Variants in XKR9 observed in about 807,000 individuals in gnomAD.
XKR9 encodes the protein XK-related protein 9.
XKR9 carries 32 observed loss-of-function variants against 32.0 expected under a neutral mutation model. The ratio of observed to expected loss-of-function variants is 1.00; its 90% confidence interval spans 0.76 to 1.34. XKR9 has a LOEUF of 1.34. XKR9 is among the 40% of genes most tolerant of loss of function. The probability of loss-of-function intolerance (pLI) is 0.00; values close to 1 mark genes in which losing one functional copy is unlikely to be tolerated. For missense variants in XKR9, 546 were observed against 429.7 expected (o/e 1.27, Z -2.39); for synonymous variants, 168 against 143.4 (o/e 1.17, Z -1.22).
At chr8:70,868,980 C>G in the XKR9 span, among the ~76,000 whole-genome samples, 3 of 152,212 alleles carry the variant, frequency 2.0e-5, no homozygotes, top group African/African-American at 7.2e-5. Flanking sequence ...TGCCACCAGT[C>G]TCTTTGCTAA....
the XKR9 span, among the ~76,000 whole-genome samples, chr8:71,014,636 CT>C: frequency 6.6e-6 from 1 of 152,110 alleles, no homozygotes; most frequent in Admixed American, 6.6e-5. Context: ...TGCAAAGAAC[CT>C]TTTTCCAAAT....
chr8:70,874,519 A>G, the XKR9 span, among the ~76,000 whole-genome samples: 1 of 152,224 alleles, frequency 6.6e-6, no homozygotes, highest in Non-Finnish European at 1.5e-5. Flanking sequence ...ATATTTTAAG[A>G]TGAAAACAAA....
the XKR9 span, among the ~76,000 whole-genome samples, chr8:71,054,535 T>C: frequency 6.6e-6 from 1 of 152,162 alleles, no homozygotes; most frequent in Admixed American, 6.5e-5. Context: ...CTTCTGTAAA[T>C]GGCCTCAATG....
the XKR9 span, among the ~76,000 whole-genome samples, chr8:70,956,268 G>T: frequency 6.6e-6 from 1 of 152,176 alleles, no homozygotes; most frequent in Non-Finnish European, 1.5e-5. Flanking sequence ...CGTCTTAGGA[G>T]ACCCAAAGTG....
At chr8:70,824,469 A>G in the XKR9 span, among the ~76,000 whole-genome samples, 3 of 152,110 alleles carry the variant, frequency 2.0e-5, no homozygotes, top group South Asian at 2.1e-4. Flanking sequence ...AAATTTTCTC[A>G]TACCACCTTG....
intron 4 of XKR9, among the ~76,000 whole-genome samples, chr8:70,707,915 A>G (rs1310170445): frequency 3.9e-5 from 6 of 152,084 alleles, no homozygotes; most frequent in Admixed American, 1.3e-4. Flanking sequence ...TATTTGCTAA[A>G]TAATAATCAC....
At chr8:70,899,968 A>G in the XKR9 span, among the ~76,000 whole-genome samples, 1 of 152,206 alleles carries the variant, frequency 6.6e-6, no homozygotes, top group Non-Finnish European at 1.5e-5. Context: ...AAAGATGTGC[A>G]TACACAATTA....
chr8:70,808,455 C>G, the XKR9 span, among the ~76,000 whole-genome samples: 1 of 152,242 alleles, frequency 6.6e-6, no homozygotes, highest in African/African-American at 2.4e-5. Context: ...GGGTGCAGGA[C>G]AGTGGGTGCA....
At chr8:71,002,924 T>A in the XKR9 span, among the ~76,000 whole-genome samples, 1 of 152,134 alleles carries the variant, frequency 6.6e-6, no homozygotes, top group Non-Finnish European at 1.5e-5. Context: ...AAGTGGAGAG[T>A]CTAGCTGAGG....
At chr8:70,688,064 A>T (rs2132126653) in intron 3 of XKR9, among the ~76,000 whole-genome samples, 1 of 152,346 alleles carries the variant, frequency 6.6e-6, no homozygotes, top group Admixed American at 6.5e-5. Flanking sequence ...AAATATATAA[A>T]TTTTAATTGG....
the XKR9 span, among the ~76,000 whole-genome samples, chr8:71,010,849 T>G: frequency 6.6e-6 from 1 of 152,198 alleles, no homozygotes; most frequent in Non-Finnish European, 1.5e-5. Context: ...CAGCAACAGA[T>G]GTCCTCATGA....
the XKR9 span, among the ~76,000 whole-genome samples, chr8:71,059,452 A>G: frequency 6.6e-6 from 1 of 152,138 alleles, no homozygotes; most frequent in Non-Finnish European, 1.5e-5. Context: ...TTCTTTTTGA[A>G]CCCTGGGAAA....
At chr8:70,795,053 A>T (rs901858000), downstream of XKR9, among the ~76,000 whole-genome samples, 16 of 151,826 alleles carry the variant, frequency 1.1e-4, no homozygotes, top group African/African-American at 2.7e-4. Flanking sequence ...ATGGGGGTTT[A>T]TTGTACAGAT....
chr8:70,778,056 A>C (rs923650669), intron 2 of XKR9, among the ~76,000 whole-genome samples: 4 of 152,182 alleles, frequency 2.6e-5, no homozygotes, highest in African/African-American at 9.7e-5. Flanking sequence ...GGTATTGCCT[A>C]GGTTTCCTTC....
the XKR9 span, among the ~76,000 whole-genome samples, chr8:71,005,321 C>T: frequency 5.3e-5 from 8 of 150,040 alleles, no homozygotes; most frequent in East Asian, 3.9e-4. Flanking sequence ...CTCCCAGGTT[C>T]GAGCAATTCT....
At chr8:70,787,904 C>A (rs1259341456) in intron 2 of XKR9, among the ~76,000 whole-genome samples, 2 of 151,736 alleles carry the variant, frequency 1.3e-5, no homozygotes, top group Non-Finnish European at 2.9e-5. Flanking sequence ...TTTTGAGTGT[C>A]TTGAAAATAA....
At chr8:70,906,967 A>G in the XKR9 span, among the ~76,000 whole-genome samples, 2 of 152,272 alleles carry the variant, frequency 1.3e-5, no homozygotes, top group South Asian at 4.1e-4. Context: ...AACTACCACT[A>G]CCAAGATATA....
chr8:70,929,612 A>G, the XKR9 span, among the ~76,000 whole-genome samples: 2 of 152,178 alleles, frequency 1.3e-5, no homozygotes, highest in Non-Finnish European at 2.9e-5. Context: ...TTGTGGTTGT[A>G]CGACTAAGGT....
the XKR9 span, among the ~76,000 whole-genome samples, chr8:70,975,600 T>C: frequency 6.6e-6 from 1 of 152,244 alleles, no homozygotes; most frequent in Non-Finnish European, 1.5e-5. Flanking sequence ...CATTGGTTTA[T>C]ATCTCTGATT....
Sources: gnomAD v4.1 joint callset for allele counts (sites outside exome capture counted in the v4.1 genomes callset) on GRCh38, gnomAD v4.1.1 for gene constraint, MANE v1.5 for transcripts, NCBI Gene and HGNC (gene_info 2026-07-23, HGNC 2026-07-21) for gene names.